Variants in B3GAT2 observed in about 807,000 individuals in gnomAD.
B3GAT2 encodes the protein beta-1,3-glucuronyltransferase 2, also known as galactosylgalactosylxylosylprotein 3-beta-glucuronosyltransferase 2.
A neutral mutation model predicts 27.8 loss-of-function variants in B3GAT2; 26 were observed. The observed-to-expected ratio is 0.93, with a 90% CI of 0.68 to 1.30. The LOEUF (loss-of-function observed/expected upper bound fraction) is 1.30. Ranked by LOEUF, B3GAT2 falls within the 50% of genes most tolerant of loss-of-function variation. The pLI is 0.00. For missense variants in B3GAT2, 458 were observed against 459.0 expected, an observed-to-expected ratio of 1.00 and a Z score of 0.02; for synonymous variants, 218 against 195.1, an observed-to-expected ratio of 1.12 and a Z score of -0.98.
intron 2 of B3GAT2, among the ~76,000 whole-genome samples, chr6:70,862,872 G>C (rs951566257): frequency 2.0e-5 from 3 of 152,130 alleles, no homozygotes; most frequent in African/African-American, 7.2e-5. Context: ...AGCTACTTAG[G>C]AGGCTGAGGT....
At chr6:70,864,387 T>C (rs577823118) in intron 2 of B3GAT2, among the ~76,000 whole-genome samples, 152 of 152,332 alleles carry the variant, frequency 1.0e-3, no homozygotes, top group Non-Finnish European at 1.9e-3. Context: ...CTACAATTTA[T>C]GTAAAGTTAA....
chr6:70,907,887 A>T (rs558010346), intron 1 of B3GAT2, among the ~76,000 whole-genome samples: 1 of 152,300 alleles, frequency 6.6e-6, no homozygotes, highest in African/African-American at 2.4e-5. Flanking sequence ...ATATTTAGTT[A>T]TTCTGCTAAT....
chr6:70,858,027 T>TAATA lies in B3GAT2; in HGVS notation c.*3635_*3636insTATT. ...CCTGTGCCTGCAGCTCCTGGCCTTATAGGAAATGTGATGGGACAGAGTCCA... is the reference window on the plus strand; with the variant it reads ...CCTGTGCCTGCAGCTCCTGGCCTTATAATAAGGAAATGTGATGGGACAGAGTCCA... On this transcript the variant is annotated 3_prime_UTR_variant, in exon 4 of 4. Coordinates refer to ENST00000230053, the MANE Select transcript of B3GAT2 (RefSeq NM_080742.3). 6.2e-7 allele frequency: 1 copy of TAATA among 1,614,086 alleles called. No homozygotes were observed. The highest frequency in any genetic ancestry group is 8.5e-7 in the Non-Finnish European group (1 of 1,179,990).
intron 1 of B3GAT2, among the ~76,000 whole-genome samples, chr6:70,942,341 C>T (rs892646192): frequency 2.0e-5 from 3 of 152,120 alleles, no homozygotes; most frequent in Non-Finnish European, 4.4e-5. Context: ...AAAGTGGCTG[C>T]CTATTTCTCC....
At chr6:70,943,117 G>C (rs1276660437) in intron 1 of B3GAT2, among the ~76,000 whole-genome samples, 1 of 152,192 alleles carries the variant, frequency 6.6e-6, no homozygotes, top group East Asian at 1.9e-4. Context: ...ACTTCTGGTA[G>C]AGAACATGGC....
intron 1 of B3GAT2, among the ~76,000 whole-genome samples, chr6:70,926,664 T>C (rs533515555): frequency 7.0e-4 from 106 of 152,214 alleles, no homozygotes; most frequent in Non-Finnish European, 9.7e-4. Context: ...CTCCAAGAAA[T>C]ATGGGACTAT....
At chr6:70,906,396 G>C (rs113226698) in intron 1 of B3GAT2, among the ~76,000 whole-genome samples, 8 of 152,166 alleles carry the variant, frequency 5.3e-5, no homozygotes, top group African/African-American at 1.9e-4. Context: ...GAGTTCAGTG[G>C]CATGATCACA....
intron 1 of B3GAT2, among the ~76,000 whole-genome samples, chr6:70,936,761 G>T (rs1280321388): frequency 6.6e-6 from 1 of 152,056 alleles, no homozygotes; most frequent in African/African-American, 2.4e-5. Context: ...GCAGTGTGTA[G>T]AGGGAAATTT....
At chr6:70,936,439 A>T (rs1204186822) in intron 1 of B3GAT2, among the ~76,000 whole-genome samples, 1 of 152,058 alleles carries the variant, frequency 6.6e-6, no homozygotes, top group Non-Finnish European at 1.5e-5. Flanking sequence ...CCCCAAATCA[A>T]CAGAAAATAC....
At chr6:70,883,460 C>CAAA (rs79996173) in intron 2 of B3GAT2, among the ~76,000 whole-genome samples, 9 of 100,270 alleles carry the variant, frequency 9.0e-5, no homozygotes, top group African/African-American at 2.5e-4. Context: ...GCTCAATAAG[C>CAAA]AAAAAAAAAA....
In B3GAT2 at chr6:70,860,223, G is replaced by C; in HGVS notation, c.*1440C>G. On this transcript the variant is annotated 3_prime_UTR_variant, in exon 4 of 4. Transcript: ENST00000230053. ...AGATGAATCAGCAGATGGCTGGCATGAGTATCAGTAGTGCAACCCCTACTG... is the reference window on the plus strand; with the variant it reads ...AGATGAATCAGCAGATGGCTGGCATCAGTATCAGTAGTGCAACCCCTACTG... 2 of 1,611,474 alleles carry C rather than the reference G, an allele frequency of 1.2e-6. No individual in the cohort carries two copies. Among genetic ancestry groups the C allele is most frequent in the Non-Finnish European group, 1.7e-6 (2 of 1,179,210 alleles).
chr6:70,914,579 T>G (rs1231918165), intron 1 of B3GAT2, among the ~76,000 whole-genome samples: 1 of 152,210 alleles, frequency 6.6e-6, no homozygotes. Flanking sequence ...AAGCATTGAT[T>G]GTAGATTTTG....
In B3GAT2 at chr6:70,860,477, G is replaced by A; in HGVS notation, c.*1186C>T. The A allele has an allele frequency of 1.1e-6, 1 of 942,142 alleles. No homozygotes were observed. The highest frequency in any genetic ancestry group is 1.5e-6 in the Non-Finnish European group (1 of 671,394). 58.4% of individuals were successfully genotyped at this position (942,142 alleles called of 1,614,324 possible). On this transcript the variant is annotated 3_prime_UTR_variant, in exon 4 of 4. Transcript: ENST00000230053. ...AAGAATGATCTGATTGACCGTGTTGGTCTGTACTGATTCAATTTGATGTGG... is the reference window on the plus strand; with the variant it reads ...AAGAATGATCTGATTGACCGTGTTGATCTGTACTGATTCAATTTGATGTGG...
At chr6:70,918,511 A>C (rs1018419780) in intron 1 of B3GAT2, among the ~76,000 whole-genome samples, 1 of 152,094 alleles carries the variant, frequency 6.6e-6, no homozygotes, top group Non-Finnish European at 1.5e-5. Context: ...ACAATTTGTC[A>C]TGTTTTTGTA....
chr6:70,954,487 A>T (rs1765619636), intron 1 of B3GAT2, among the ~76,000 whole-genome samples: 1 of 152,246 alleles, frequency 6.6e-6, no homozygotes, highest in African/African-American at 2.4e-5. Context: ...TTTTAAAGCC[A>T]CACAGAAAAA....
intron 2 of B3GAT2, among the ~76,000 whole-genome samples, chr6:70,879,583 A>G (rs1052796962): frequency 3.9e-5 from 6 of 152,214 alleles, no homozygotes; most frequent in African/African-American, 1.2e-4. Context: ...CATGATCTGC[A>G]TCTTAGAGTC....
Position 70,956,050 on chromosome 6 carries a change from C to G in B3GAT2, c.380G>C (p.Ser127Thr). 1 of 1,578,064 alleles carries G rather than the reference C, an allele frequency of 6.3e-7. No homozygotes were observed. Among genetic ancestry groups the G allele is most frequent in the Non-Finnish European group, 8.6e-7 (1 of 1,168,240 alleles). The change falls in exon 1 of 4, where the codon AGC (serine) becomes ACC (threonine). Residue 127 changes from serine to threonine, a missense_variant. Physicochemically the swap from Ser to Thr is moderately conservative, Grantham distance 58. Transcript: ENST00000230053. ...EDAAARSELV[S>T]RFLARAGLPS... Reference sequence around the variant, plus strand: ...CAGCCCGGCCCGCGCCAGGAAGCGGCTCACCAGCTCGCTGCGCGCCGCCGC... The same window carrying G: ...CAGCCCGGCCCGCGCCAGGAAGCGGGTCACCAGCTCGCTGCGCGCCGCCGC...
chr6:70,857,854 T>C lies in B3GAT2; in HGVS notation c.*3809A>G. 1.3e-6 allele frequency: 2 copies of C among 1,539,188 alleles called. No individual in the cohort carries two copies. Among genetic ancestry groups the C allele is most frequent in the East Asian group, 4.5e-5 (2 of 44,292 alleles). ...GTAGTTCAGAAAGGCAATTTTTCTGTGATTATAGAGATGAGTGCAACTACA... is the reference window on the plus strand; with the variant it reads ...GTAGTTCAGAAAGGCAATTTTTCTGCGATTATAGAGATGAGTGCAACTACA... On this transcript the variant is annotated 3_prime_UTR_variant, in exon 4 of 4. Transcript: ENST00000230053.
chr6:70,906,075 T>C (rs1189005349), intron 1 of B3GAT2, among the ~76,000 whole-genome samples: 1 of 152,156 alleles, frequency 6.6e-6, no homozygotes, highest in Non-Finnish European at 1.5e-5. Context: ...AGACCTCTGC[T>C]CTAGTTTACT....
Sources: gnomAD v4.1 joint callset for allele counts (sites outside exome capture counted in the v4.1 genomes callset) on GRCh38, gnomAD v4.1.1 for gene constraint, MANE v1.5 for transcripts, NCBI Gene and HGNC (gene_info 2026-07-23, HGNC 2026-07-21) for gene names.